The following STARD6 variants were observed in gnomAD, a reference collection of about 807,000 sequenced individuals.
The protein encoded by STARD6 is StAR related lipid transfer domain containing 6.
Under a neutral mutation model 22.3 loss-of-function variants are expected in STARD6, and 21 were observed. That is an observed-to-expected ratio of 0.94 (90% CI 0.67 to 1.35). The LOEUF (loss-of-function observed/expected upper bound fraction) is 1.35, where lower values mean the gene tolerates loss of function less well. Among genes scored for constraint, STARD6 ranks in the 40% most tolerant of loss-of-function variants. The pLI, the probability that STARD6 is intolerant of heterozygous loss-of-function variation, is 0.00. For missense variants in STARD6, 269 were observed against 266.9 expected (o/e 1.01, Z -0.05); for synonymous variants, 80 against 88.1 (o/e 0.91, Z 0.52).
chr18:54,350,610 T>A (rs2089086719), intron 4 of STARD6, among the ~76,000 whole-genome samples: 2 of 152,220 alleles, frequency 1.3e-5, no homozygotes, highest in Admixed American at 1.3e-4. Context: ...GTTTTTATGG[T>A]TTCAGGTCTT....
At chr18:54,327,234 C>G (rs1248150307) in intron 7 of STARD6, among the ~76,000 whole-genome samples, 1 of 152,162 alleles carries the variant, frequency 6.6e-6, no homozygotes, top group Middle Eastern at 3.4e-3. Flanking sequence ...TATTTGTATA[C>G]AAACATTTTT....
intron 4 of STARD6, among the ~76,000 whole-genome samples, chr18:54,353,216 A>T (rs1007387224): frequency 6.6e-6 from 1 of 152,226 alleles, no homozygotes; most frequent in Non-Finnish European, 1.5e-5. Flanking sequence ...AAATTTGATG[A>T]TCTGATGGCC....
chr18:54,350,672 T>G (rs1040062237), intron 4 of STARD6, among the ~76,000 whole-genome samples: 2 of 152,196 alleles, frequency 1.3e-5, no homozygotes, highest in Admixed American at 6.5e-5. Flanking sequence ...AGGTAAGAGA[T>G]GAAGATCCAG....
At chr18:54,337,975 C>A (rs1344886) in intron 4 of STARD6, among the ~76,000 whole-genome samples, 11,003 of 152,104 alleles carry the variant, frequency 0.072, 483 homozygotes, top group African/African-American at 0.11. Flanking sequence ...TGGCCCACTA[C>A]GAGCACACTC....
At chr18:54,349,327 G>C (rs1227520874) in intron 4 of STARD6, among the ~76,000 whole-genome samples, 1 of 152,058 alleles carries the variant, frequency 6.6e-6, no homozygotes, top group Non-Finnish European at 1.5e-5. Flanking sequence ...TGGGGGAATA[G>C]CTTGCCAGGC....
intron 5 of STARD6, 93 bp downstream of exon 5, chr18:54,337,031 CT>C: frequency 3.5e-6 from 4 of 1,128,558 alleles, no homozygotes; most frequent in Non-Finnish European, 4.9e-6. Flanking sequence ...CTATAAAATA[CT>C]GTGTCTACAT....
At chr18:54,357,627 T>G (rs567734334) in intron 1 of STARD6, among the ~76,000 whole-genome samples, 165 bp downstream of exon 1, 16 of 151,844 alleles carry the variant, frequency 1.1e-4, no homozygotes, top group African/African-American at 3.1e-4. Context: ...CCCCACCCAG[T>G]CCCCTCCCGC....
chr18:54,337,255 C>T lies in STARD6; in HGVS notation c.141-4G>A. 6.2e-7 allele frequency: 1 copy of T among 1,605,258 alleles called. No individual in the cohort carries two copies. On this transcript the variant is annotated splice_polypyrimidine_tract_variant and splice_region_variant and intron_variant, in intron 4 of 7. Coordinates refer to ENST00000307844, the MANE Select transcript of STARD6 (RefSeq NM_139171.2). ...AATTATCCCTTCAACACGATATCTA[C>T]AGTTAACAAAATAAAGAAAATTCAA... is the stretch of plus-strand genomic sequence containing the variant.
At chr18:54,331,683 A>G (rs1233005707) in intron 6 of STARD6, 59 bp downstream of exon 6, 1 of 1,157,400 alleles carries the variant, frequency 8.6e-7, no homozygotes, top group Non-Finnish European at 1.3e-6. Context: ...GAATAAAGGG[A>G]AAACATTTAT....
chr18:54,346,728 A>G (rs2089040249), intron 4 of STARD6, among the ~76,000 whole-genome samples: 1 of 152,142 alleles, frequency 6.6e-6, no homozygotes, highest in Non-Finnish European at 1.5e-5. Flanking sequence ...AATAAAAAGA[A>G]ATGAGGTACT....
intron 5 of STARD6, among the ~76,000 whole-genome samples, chr18:54,332,714 C>T (rs527544257): frequency 4.3e-4 from 65 of 152,252 alleles, no homozygotes; most frequent in African/African-American, 1.2e-3. Context: ...GGGAATCTCT[C>T]CCTCACCAGT....
At chr18:54,328,532 T>C (rs936657553) in intron 7 of STARD6, among the ~76,000 whole-genome samples, 1 of 152,224 alleles carries the variant, frequency 6.6e-6, no homozygotes, top group Non-Finnish European at 1.5e-5. Flanking sequence ...AACAATCGTA[T>C]ACATTAACAT....
In STARD6 at chr18:54,340,207, T is replaced by C. The variant is rs145816331; in HGVS notation, c.141-2956A>G. Among the ~76,000 whole-genome samples, 369 of 152,268 alleles carry C rather than the reference T, an allele frequency of 2.4e-3. 2 individuals carry two copies. The highest frequency in any genetic ancestry group is 8.2e-3 in the African/African-American group (343 of 41,582). The stretch of plus-strand genomic sequence containing the variant: ...ATATAAAGCAATAATTATAACAATA[T>C]GGTATTTGATTTGTAACATATATAG... On this transcript the variant is annotated intron_variant, in intron 4 of 7. Coordinates refer to ENST00000307844, the MANE Select transcript of STARD6 (RefSeq NM_139171.2).
At chr18:54,329,272 G>T in intron 7 of STARD6, 75 bp downstream of exon 7, 1 of 1,197,162 alleles carries the variant, frequency 8.4e-7, no homozygotes, top group Non-Finnish European at 1.2e-6. Context: ...CTACTGATGA[G>T]CCAGCAATCT....
At chr18:54,338,735 A>G (rs1292864323) in intron 4 of STARD6, among the ~76,000 whole-genome samples, 3 of 152,128 alleles carry the variant, frequency 2.0e-5, no homozygotes, top group East Asian at 1.9e-4. Context: ...GCCTTATCAT[A>G]TAAAGATGTT....
intron 4 of STARD6, among the ~76,000 whole-genome samples, chr18:54,348,323 C>T (rs911392163): frequency 3.9e-5 from 6 of 152,150 alleles, no homozygotes; most frequent in East Asian, 1.9e-4. Flanking sequence ...TAAGTAGTAA[C>T]GACAATGGAG....
intron 7 of STARD6, among the ~76,000 whole-genome samples, chr18:54,325,430 C>G (rs1289384792): frequency 6.6e-6 from 1 of 152,132 alleles, no homozygotes; most frequent in South Asian, 2.1e-4. Context: ...TTTTTCATGG[C>G]TACAGACAGT....
intron 4 of STARD6, 184 bp downstream of exon 4, chr18:54,353,870 T>C (rs1167647886): frequency 1.0e-5 from 4 of 386,906 alleles, no homozygotes. Flanking sequence ...GATTTGAAAA[T>C]AGAAGATTAG....
chr18:54,352,532 G>C (rs2089107439), intron 4 of STARD6, among the ~76,000 whole-genome samples: 1 of 152,152 alleles, frequency 6.6e-6, no homozygotes. Flanking sequence ...CCTTGAGGCA[G>C]AGGCACCTAG....
Sources: gnomAD v4.1 joint callset for allele counts (sites outside exome capture counted in the v4.1 genomes callset) on GRCh38, gnomAD v4.1.1 for gene constraint, MANE v1.5 for transcripts, NCBI Gene and HGNC (gene_info 2026-07-23, HGNC 2026-07-21) for gene names.